Variants in NALCN observed in about 807,000 individuals in gnomAD.
NALCN encodes the protein sodium leak channel NALCN.
A neutral mutation model predicts 225.3 loss-of-function variants in NALCN; 111 were observed. That is an observed-to-expected ratio of 0.49 (90% CI 0.42 to 0.58). The LOEUF is 0.58. Among genes scored for constraint, NALCN ranks in the 20% least tolerant of loss-of-function variants. NALCN has a pLI of 0.00. For missense variants in NALCN, 1,378 were observed against 2,202.4 expected (o/e 0.63, Z 7.49); for synonymous variants, 764 against 769.0 (o/e 0.99, Z 0.11).
intron 11 of NALCN, among the ~76,000 whole-genome samples, chr13:101,246,533 G>C (rs1341998721): frequency 6.6e-6 from 1 of 152,180 alleles, no homozygotes; most frequent in East Asian, 1.9e-4. Flanking sequence ...GTGTATATCA[G>C]TATGTTATAA....
At chr13:101,335,158 AGT>A (rs778086169) in intron 7 of NALCN, among the ~76,000 whole-genome samples, 37 of 152,158 alleles carry the variant, frequency 2.4e-4, no homozygotes, top group Non-Finnish European at 4.9e-4. Context: ...AAACTCCTCT[AGT>A]CACTATCTTT....
At chr13:101,167,817 G>C (rs998098081) in intron 15 of NALCN, among the ~76,000 whole-genome samples, 3 of 142,224 alleles carry the variant, frequency 2.1e-5, no homozygotes, top group African/African-American at 7.5e-5. Context: ...CCAGCCTAAG[G>C]AAAAGGTTGA....
At chr13:101,109,898 A>G (rs2035339346) in intron 20 of NALCN, among the ~76,000 whole-genome samples, 2 of 152,148 alleles carry the variant, frequency 1.3e-5, no homozygotes, top group African/African-American at 4.8e-5. Context: ...ATTTTACTTT[A>G]CATTATAAAG....
rs113335636 is a variant in NALCN, at chr13:101,098,295, T to C, written c.3162+2489A>G. ...GAAAACTGCTGACTTTATATTACTGTTGCTTGAACATGAAACACGTTCTGA... is the reference window on the plus strand; with the variant it reads ...GAAAACTGCTGACTTTATATTACTGCTGCTTGAACATGAAACACGTTCTGA... On this transcript the variant is annotated intron_variant, in intron 27 of 43. Transcript: ENST00000251127. Among the ~76,000 whole-genome samples the C allele has an allele frequency of 2.1e-3, 321 of 152,276 alleles. 1 individual carries two copies. Among genetic ancestry groups the C allele is most frequent in the African/African-American group, 7.3e-3 (304 of 41,560 alleles).
intron 13 of NALCN, among the ~76,000 whole-genome samples, chr13:101,208,461 C>T (rs2040404172): frequency 1.3e-5 from 2 of 152,244 alleles, no homozygotes; most frequent in South Asian, 2.1e-4. Flanking sequence ...CAATTCCGGA[C>T]ACAGTATGAG....
chr13:101,242,288 C>A lies in NALCN; in HGVS notation c.1267-4366G>T, dbSNP rs1166053500. 1.9e-5 allele frequency among the ~76,000 whole-genome samples: 2 copies of A among 105,430 alleles called. 1 individual carries two copies. Among genetic ancestry groups the A allele is most frequent in the Non-Finnish European group, 4.2e-5 (2 of 47,292 alleles). The allele number at this position is 105,430 out of a possible 152,430, so 69.2% of individuals were successfully genotyped here. On this transcript the variant is annotated intron_variant, in intron 11 of 43. Coordinates refer to ENST00000251127, the MANE Select transcript of NALCN (RefSeq NM_052867.4). Reference sequence around the variant, plus strand: ...ATGTCATTGCTGTTTCATTTTTAACCTTATCTTGTCTTTTTTTAACTTGGT... The same window carrying A: ...ATGTCATTGCTGTTTCATTTTTAACATTATCTTGTCTTTTTTTAACTTGGT...
chr13:101,123,399 G>A (rs1566302803), intron 18 of NALCN, among the ~76,000 whole-genome samples: 2 of 152,192 alleles, frequency 1.3e-5, no homozygotes, highest in Non-Finnish European at 2.9e-5. Flanking sequence ...TCTGATGTAG[G>A]TGCAGCTGGA....
intron 15 of NALCN, among the ~76,000 whole-genome samples, chr13:101,165,294 T>C (rs985022497): frequency 4.6e-5 from 7 of 152,182 alleles, no homozygotes; most frequent in African/African-American, 1.7e-4. Context: ...TTCACTTCCT[T>C]ACCCGTCATT....
chr13:101,201,069 T>C (rs530931698), intron 13 of NALCN, among the ~76,000 whole-genome samples: 102 of 152,320 alleles, frequency 6.7e-4, no homozygotes, highest in African/African-American at 2.4e-3. Context: ...TGCATATAAA[T>C]GCTTGAAAGT....
At chr13:101,128,026 G>A (rs966604150) in intron 17 of NALCN, among the ~76,000 whole-genome samples, 3 of 152,164 alleles carry the variant, frequency 2.0e-5, no homozygotes, top group East Asian at 1.9e-4. Flanking sequence ...TTCATGATGA[G>A]TAATTTCAGA....
intron 15 of NALCN, among the ~76,000 whole-genome samples, chr13:101,162,006 C>T (rs1382067607): frequency 2.0e-5 from 3 of 152,202 alleles, no homozygotes; most frequent in Non-Finnish European, 4.4e-5. Context: ...ATTCTGGGTG[C>T]ACAGAGGCTT....
intron 15 of NALCN, among the ~76,000 whole-genome samples, chr13:101,155,736 G>A (rs2037870573): frequency 6.6e-6 from 1 of 152,062 alleles, no homozygotes; most frequent in Admixed American, 6.6e-5. Context: ...GAGTATCAAA[G>A]AATTTGTGGG....
chr13:101,290,798 C>G (rs924291276), intron 9 of NALCN, among the ~76,000 whole-genome samples: 1 of 152,120 alleles, frequency 6.6e-6, no homozygotes, highest in Non-Finnish European at 1.5e-5. Flanking sequence ...ATACCTTTGT[C>G]TTAACAGTAT....
intron 18 of NALCN, among the ~76,000 whole-genome samples, chr13:101,114,660 C>A (rs933463578): frequency 8.5e-5 from 13 of 152,186 alleles, no homozygotes; most frequent in Non-Finnish European, 1.6e-4. Context: ...ATGCATGCAG[C>A]TTGGAGAGAG....
At chr13:101,228,182 A>C (rs773468649) in intron 13 of NALCN, among the ~76,000 whole-genome samples, 4 of 152,224 alleles carry the variant, frequency 2.6e-5, no homozygotes, top group African/African-American at 7.2e-5. Flanking sequence ...TGAATGAAGA[A>C]TCTGCATTAT....
intron 13 of NALCN, among the ~76,000 whole-genome samples, chr13:101,206,665 T>TA (rs1211340327): frequency 2.6e-5 from 4 of 151,280 alleles, no homozygotes; most frequent in Non-Finnish European, 5.9e-5. Flanking sequence ...ATTTTCATAG[T>TA]AAAAAATCTC....
rs972593684 is a variant in NALCN at position 101,247,219 on chromosome 13, T to A, written c.1267-9297A>T. Among the ~76,000 whole-genome samples, 7 of 150,462 alleles carry A rather than the reference T, an allele frequency of 4.7e-5. 1 individual carries two copies. Among genetic ancestry groups the A allele is most frequent in the Non-Finnish European group, 1.0e-4 (7 of 67,140 alleles). The stretch of plus-strand genomic sequence containing the variant: ...AGGACAGAGACCAACTACCCAAGGC[T>A]AAGACCTTATAGGCAGCTGCAGGCC... On this transcript the variant is annotated intron_variant, in intron 11 of 43. Coordinates refer to ENST00000251127, the MANE Select transcript of NALCN (RefSeq NM_052867.4).
At chr13:101,164,659 TG>T (rs2038354011) in intron 15 of NALCN, among the ~76,000 whole-genome samples, 1 of 152,210 alleles carries the variant, frequency 6.6e-6, no homozygotes, top group Non-Finnish European at 1.5e-5. Flanking sequence ...GCTTAAACCT[TG>T]ATCTAAACTG....
chr13:101,334,465 C>T (rs988019121), intron 7 of NALCN, among the ~76,000 whole-genome samples: 1 of 152,150 alleles, frequency 6.6e-6, no homozygotes, highest in African/African-American at 2.4e-5. Flanking sequence ...GGGATGAATA[C>T]ATACATTCAA....
Sources: allele counts gnomAD v4.1 joint callset (sites outside exome capture counted in the v4.1 genomes callset), GRCh38; gene constraint gnomAD v4.1.1; transcripts MANE v1.5; gene names NCBI Gene and HGNC (gene_info 2026-07-23, HGNC 2026-07-21).